CNTN4: variants seen among roughly 807,000 people sequenced by gnomAD.
CNTN4 encodes contactin-4.
In CNTN4, 77 loss-of-function variants were observed where a neutral mutation model predicts 122.5. The observed-to-expected ratio is 0.63, with a 90% CI of 0.52 to 0.76. The LOEUF (loss-of-function observed/expected upper bound fraction) is 0.76, where lower values mean the gene tolerates loss of function less well. Ranked by LOEUF, CNTN4 falls within the 30% of genes least tolerant of loss-of-function variation. CNTN4 has a pLI of 0.00. For synonymous variants in CNTN4, 512 were observed against 447.0 expected (o/e 1.15, Z -1.83); for missense variants, 1,256 against 1,259.1 (o/e 1.00, Z 0.04).
chr3:2,294,288 C>CTTTTTTTTTTTTTTTTTTTTTT (rs71058604), intron 2 of CNTN4, among the ~76,000 whole-genome samples: 25 of 135,586 alleles, frequency 1.8e-4, no homozygotes, highest in Admixed American at 3.0e-4. Flanking sequence ...AGAGTTGTGA[C>CTTTTTTTTTTTTTTTTTTTTTT]TTTTTTTTTT....
chr3:2,632,726 T>C (rs1365455305), intron 4 of CNTN4, among the ~76,000 whole-genome samples: 1 of 152,126 alleles, frequency 6.6e-6, no homozygotes, highest in Non-Finnish European at 1.5e-5. Flanking sequence ...CCAGCCACAT[T>C]GAATGAACTC....
Position 3,056,112 on chromosome 3 carries a change from C to T in CNTN4, c.2981-8C>T, listed in dbSNP as rs747381559. 1 of 1,612,294 alleles carries T rather than the reference C, an allele frequency of 6.2e-7. No homozygotes were observed. Among genetic ancestry groups the T allele is most frequent in the South Asian group, 1.1e-5 (1 of 91,046 alleles). On this transcript the variant is annotated splice_region_variant and splice_polypyrimidine_tract_variant and intron_variant, in intron 24 of 24. Transcript: ENST00000418658. ...GCTGTTTTGAGTGAATTTGTTCTCT[C>T]TTTTCAGATGCCTACGCGAGAGGAT...
intron 3 of CNTN4, chr3:2,511,402 G>C (rs1019477253): frequency 6.6e-6 from 1 of 152,224 alleles, no homozygotes; most frequent in Non-Finnish European, 1.5e-5. Flanking sequence ...CCCAGTGTGC[G>C]TCTTTGATTC....
intron 4 of CNTN4, among the ~76,000 whole-genome samples, chr3:2,616,323 G>T (rs962479737): frequency 3.3e-5 from 5 of 152,088 alleles, no homozygotes; most frequent in Admixed American, 3.3e-4. Context: ...CCTTTTTATG[G>T]CTGCATAGTA....
intron 3 of CNTN4, among the ~76,000 whole-genome samples, chr3:2,496,404 A>T (rs377560864): frequency 1.3e-5 from 2 of 152,208 alleles, no homozygotes; most frequent in African/African-American, 4.8e-5. Context: ...GTTCAGAAGC[A>T]ATGGGGAAAC....
intron 2 of CNTN4, among the ~76,000 whole-genome samples, chr3:2,246,152 G>GT (rs2040136261): frequency 6.6e-6 from 1 of 151,772 alleles, no homozygotes; most frequent in African/African-American, 2.4e-5. Context: ...TAGCACTGAT[G>GT]TGTTTTTTTA....
At position 2,767,774 on chromosome 3, in the gene CNTN4, AGTGGCAACAACT is replaced by A. The variant is rs1202954692; in HGVS notation, c.358+22083_358+22094del. ...GCAAAGTCTCTAATGGAAGTTCATC[AGTGGCAACAACT>A]GTGGCTAACCTGACAACCCAGCACC... On this transcript the variant is annotated intron_variant, in intron 6 of 24. Coordinates refer to ENST00000418658, the MANE Select transcript of CNTN4 (RefSeq NM_175607.3). Among the ~76,000 whole-genome samples the A allele has an allele frequency of 2.0e-5, 3 of 152,366 alleles. 1 individual carries two copies. Among genetic ancestry groups the A allele is most frequent in the African/African-American group, 7.2e-5 (3 of 41,588 alleles).
At chr3:2,450,054 T>C (rs1349606626) in intron 3 of CNTN4, among the ~76,000 whole-genome samples, 1 of 152,128 alleles carries the variant, frequency 6.6e-6, no homozygotes, top group Non-Finnish European at 1.5e-5. Flanking sequence ...CAGTACTGTA[T>C]TGTCACTTTA....
intron 12 of CNTN4, among the ~76,000 whole-genome samples, chr3:2,918,291 G>A (rs1042540569): frequency 6.6e-6 from 1 of 152,128 alleles, no homozygotes; most frequent in African/African-American, 2.4e-5. Flanking sequence ...CAAAGCCTCA[G>A]GGAACACATT....
intron 4 of CNTN4, among the ~76,000 whole-genome samples, chr3:2,597,042 A>C (rs2080803335): frequency 6.6e-6 from 1 of 152,138 alleles, no homozygotes; most frequent in Non-Finnish European, 1.5e-5. Context: ...GATTTCACTG[A>C]ATGAAATACC....
intron 6 of CNTN4, among the ~76,000 whole-genome samples, chr3:2,770,380 C>G (rs138714553): frequency 2.7e-3 from 416 of 152,326 alleles, no homozygotes; most frequent in African/African-American, 9.4e-3. Flanking sequence ...AGATTTAAAA[C>G]CATTTGCTAT....
Position 2,518,230 on chromosome 3 carries a change from T to C in CNTN4, c.-88-53186T>C, listed in dbSNP as rs183713138. 2.6e-3 allele frequency among the ~76,000 whole-genome samples: 395 copies of C among 152,270 alleles called. 2 individuals carry two copies. Among genetic ancestry groups the C allele is most frequent in the African/African-American group, 9.0e-3 (375 of 41,558 alleles). ...TTAGGTTAATATGTGTGTGTGTGTG[T>C]GTGTGCACACACGCACATGCACGCA... On this transcript the variant is annotated intron_variant, in intron 3 of 24. Coordinates refer to ENST00000418658, the MANE Select transcript of CNTN4 (RefSeq NM_175607.3).
At chr3:2,795,143 G>C (rs1186864244) in intron 6 of CNTN4, among the ~76,000 whole-genome samples, 1 of 152,272 alleles carries the variant, frequency 6.6e-6, no homozygotes, top group Non-Finnish European at 1.5e-5. Context: ...TTTAGTAAGA[G>C]TTATCAAACC....
At chr3:2,129,722 A>T (rs1023156255) in intron 2 of CNTN4, among the ~76,000 whole-genome samples, 1 of 151,608 alleles carries the variant, frequency 6.6e-6, no homozygotes, top group African/African-American at 2.4e-5. Context: ...AGTTAACTTC[A>T]TGACCTTGAA....
intron 5 of CNTN4, among the ~76,000 whole-genome samples, chr3:2,744,386 A>AC (rs1401860697): frequency 6.6e-6 from 1 of 152,260 alleles, no homozygotes; most frequent in Non-Finnish European, 1.5e-5. Flanking sequence ...GCACACACAC[A>AC]AATATTTAAA....
chr3:2,497,983 A>G (rs1329931559), intron 3 of CNTN4, among the ~76,000 whole-genome samples: 1 of 152,126 alleles, frequency 6.6e-6, no homozygotes, highest in Non-Finnish European at 1.5e-5. Flanking sequence ...ATAATCAACT[A>G]TTACTAAAAT....
intron 3 of CNTN4, among the ~76,000 whole-genome samples, chr3:2,339,722 A>T (rs569258756): frequency 4.8e-4 from 73 of 152,052 alleles, no homozygotes; most frequent in African/African-American, 1.7e-3. Context: ...TTTTTTCCTT[A>T]ATAAAATATA....
chr3:2,739,310 AT>A (rs966886795), intron 5 of CNTN4, among the ~76,000 whole-genome samples: 1 of 152,054 alleles, frequency 6.6e-6, no homozygotes, highest in African/African-American at 2.4e-5. Context: ...GGTAAAAGCC[AT>A]TAAAAAAAAA....
chr3:2,189,846 T>G (rs2037444554), intron 2 of CNTN4, among the ~76,000 whole-genome samples: 1 of 152,196 alleles, frequency 6.6e-6, no homozygotes, highest in Admixed American at 6.5e-5. Context: ...GTCAGTAGCC[T>G]TCAGCCAAGG....
Sources: gnomAD v4.1 joint callset for allele counts (sites outside exome capture counted in the v4.1 genomes callset) on GRCh38, gnomAD v4.1.1 for gene constraint, MANE v1.5 for transcripts, NCBI Gene and HGNC (gene_info 2026-07-23, HGNC 2026-07-21) for gene names.